Variants in MLLT1 observed in about 807,000 individuals in gnomAD.
The protein encoded by MLLT1 is MLLT1 super elongation complex subunit, also known as protein ENL.
A neutral mutation model predicts 55.1 loss-of-function variants in MLLT1; 11 were observed. That is an observed-to-expected ratio of 0.20 (90% CI 0.13 to 0.33). The LOEUF (loss-of-function observed/expected upper bound fraction) is 0.33, where lower values mean the gene tolerates loss of function less well. Ranked by LOEUF, MLLT1 falls within the 10% of genes least tolerant of loss-of-function variation. MLLT1 has a pLI of 1.00. For synonymous variants in MLLT1, 323 were observed against 320.1 expected (o/e 1.01, Z -0.10); for missense variants, 536 against 760.6 (o/e 0.70, Z 3.47).
At chr19:6,249,270 CTTT>C (rs906743232) in intron 3 of MLLT1, among the ~76,000 whole-genome samples, 2 of 152,000 alleles carry the variant, frequency 1.3e-5, no homozygotes, top group Non-Finnish European at 2.9e-5. Flanking sequence ...TTCTTTTGAA[CTTT>C]TTTAACGCGG....
chr19:6,216,618 C>T (rs1409956511), intron 7 of MLLT1, 105 bp from the exon 8 acceptor site: 1 of 755,314 alleles, frequency 1.3e-6, no homozygotes, highest in Non-Finnish European at 2.1e-6. Context: ...ACACTGGTGA[C>T]CCCCAAATGC....
rs2090917492 is a variant in MLLT1 at position 6,222,951 on chromosome 19, G to A, written c.547-267C>T. On this transcript the variant is annotated intron_variant, in intron 5 of 11. Coordinates refer to ENST00000252674, the MANE Select transcript of MLLT1 (RefSeq NM_005934.4). The surrounding 1 kb of genome is among the most constrained non-coding windows in gnomAD (Gnocchi z 4.1). ...CAGAATTGAACTGACATTCCCTGAG[G>A]GATTCAAGAAGAGCACAGGGTGAGT... Among the ~76,000 whole-genome samples the A allele has an allele frequency of 1.3e-5, 2 of 152,192 alleles. No individual in the cohort carries two copies. Among genetic ancestry groups the A allele is most frequent in the Non-Finnish European group, 2.9e-5 (2 of 68,030 alleles).
intron 3 of MLLT1, among the ~76,000 whole-genome samples, chr19:6,261,868 T>G (rs1370289741): frequency 6.6e-6 from 1 of 152,192 alleles, no homozygotes; most frequent in African/African-American, 2.4e-5. Flanking sequence ...TGCTATTTCC[T>G]GATCTCAGTC....
rs1043313269 is a variant in MLLT1 at position 6,218,115 on chromosome 19, C to A, written c.1111-74G>T. On this transcript the variant is annotated intron_variant, in intron 6 of 11. Transcript: ENST00000252674. Reference sequence around the variant, plus strand: ...CACCTTTCAGCAGAGACAAAGGGGGCCCCCTGGCAGCAGCTACGCTGAGTG... The same window carrying A: ...CACCTTTCAGCAGAGACAAAGGGGGACCCCTGGCAGCAGCTACGCTGAGTG... 3.3e-6 allele frequency: 5 copies of A among 1,519,554 alleles called. No homozygotes were observed. The African/African-American group carries it at 4.2e-5, about 13-fold the overall frequency. The allele number at this position is 1,519,554 out of a possible 1,614,324, so 94.1% of individuals were successfully genotyped here. A position where few individuals can be genotyped will look rare whatever the true frequency, so the allele number is the denominator to read the frequency against.
chr19:6,267,350 C>T lies in MLLT1; in HGVS notation c.193+3229G>A, dbSNP rs113410119. ...AATTCTTGACCTCAGGTGATCCACCCGTCTCGGCCTCCCAAAGTGCTGGCA... is the reference window on the plus strand; with the variant it reads ...AATTCTTGACCTCAGGTGATCCACCTGTCTCGGCCTCCCAAAGTGCTGGCA... On this transcript the variant is annotated intron_variant, in intron 2 of 11. Coordinates refer to ENST00000252674, the MANE Select transcript of MLLT1 (RefSeq NM_005934.4). 2.6e-3 allele frequency among the ~76,000 whole-genome samples: 395 copies of T among 151,552 alleles called. 1 individual carries two copies. Among genetic ancestry groups the T allele is most frequent in the African/African-American group, 9.1e-3 (376 of 41,222 alleles).
At chr19:6,269,673 C>T (rs2091379287) in intron 2 of MLLT1, among the ~76,000 whole-genome samples, 1 of 152,180 alleles carries the variant, frequency 6.6e-6, no homozygotes, top group Admixed American at 6.5e-5. Flanking sequence ...CCTAAGCACA[C>T]CCACGCTTGT....
chr19:6,259,186 C>A (rs2091282786), intron 3 of MLLT1: 1 of 152,354 alleles, frequency 6.6e-6, no homozygotes, highest in South Asian at 2.1e-4. Flanking sequence ...CACCCCGTCA[C>A]CAACCTCTGT....
intron 3 of MLLT1, among the ~76,000 whole-genome samples, chr19:6,239,946 A>C (rs987946409): frequency 1.7e-4 from 26 of 151,476 alleles, no homozygotes; most frequent in Non-Finnish European, 3.7e-4. Flanking sequence ...TTTTTTTTTA[A>C]GGCTTAGGTA....
intron 5 of MLLT1, among the ~76,000 whole-genome samples, chr19:6,225,429 G>T (rs922434535): frequency 1.3e-5 from 2 of 152,232 alleles, no homozygotes; most frequent in Non-Finnish European, 2.9e-5. Context: ...AAAGGAGGTC[G>T]CTCAGCTGGG....
intron 8 of MLLT1, 101 bp from the exon 9 acceptor site, chr19:6,214,139 G>T: frequency 1.7e-6 from 1 of 601,000 alleles, no homozygotes; most frequent in Non-Finnish European, 2.6e-6. Flanking sequence ...CGGTGCCTGA[G>T]CCCACACACC....
intron 3 of MLLT1, among the ~76,000 whole-genome samples, chr19:6,239,018 G>A (rs2091089850): frequency 6.6e-6 from 1 of 152,246 alleles, no homozygotes; most frequent in Non-Finnish European, 1.5e-5. Flanking sequence ...GCTGCTAGGA[G>A]AGGAAGCTCA....
chr19:6,232,568 G>A (rs1425312622), intron 3 of MLLT1, among the ~76,000 whole-genome samples: 1 of 152,208 alleles, frequency 6.6e-6, no homozygotes, highest in Non-Finnish European at 1.5e-5. Flanking sequence ...AGGCAACTAA[G>A]GAAAATTAGA....
At chr19:6,216,002 G>A (rs538300465) in intron 8 of MLLT1, among the ~76,000 whole-genome samples, 20 of 152,116 alleles carry the variant, frequency 1.3e-4, no homozygotes, top group Non-Finnish European at 2.2e-4. Context: ...ATGGATCCTC[G>A]CCCCATGTAA....
chr19:6,242,439 TG>T (rs1221287848), intron 3 of MLLT1, among the ~76,000 whole-genome samples: 1 of 152,194 alleles, frequency 6.6e-6, no homozygotes, highest in Non-Finnish European at 1.5e-5. Flanking sequence ...CATCTGCGTG[TG>T]GGAGGCCACG....
intron 5 of MLLT1, among the ~76,000 whole-genome samples, chr19:6,223,766 C>T (rs1008560829): frequency 1.3e-5 from 2 of 152,156 alleles, no homozygotes; most frequent in South Asian, 2.1e-4. Flanking sequence ...GTGGGAGCCA[C>T]GCCTTCACCT....
chr19:6,263,542 CG>C (rs2091322500), intron 2 of MLLT1: 1 of 152,376 alleles, frequency 6.6e-6, no homozygotes, highest in Non-Finnish European at 1.5e-5. Flanking sequence ...TGTCCTGTGA[CG>C]GGTACTCCAA....
intron 2 of MLLT1, among the ~76,000 whole-genome samples, chr19:6,268,545 A>G (rs893949202): frequency 1.3e-5 from 2 of 152,224 alleles, no homozygotes; most frequent in South Asian, 2.1e-4. Context: ...CTGGGGCGGA[A>G]GTAAAAGATA....
rs567175591 is a variant in MLLT1, at chr19:6,240,043, G to T, written c.277-9330C>A. ...GCGGCTCAGCACTGGCTCACTGTGT[G>T]ACCCTGGACGGGCTGCTGCACCTCT... is the stretch of plus-strand genomic sequence containing the variant. On this transcript the variant is annotated intron_variant, in intron 3 of 11. Coordinates refer to ENST00000252674, the MANE Select transcript of MLLT1 (RefSeq NM_005934.4). The surrounding 1 kb of genome is among the most constrained non-coding windows in gnomAD (Gnocchi z 4.7). 6.0e-4 allele frequency among the ~76,000 whole-genome samples: 92 copies of T among 152,102 alleles called. No individual in the cohort carries two copies. The highest frequency in any genetic ancestry group is 1.0e-3 in the Non-Finnish European group (71 of 68,016).
At chr19:6,266,418 G>A (rs1420527190) in intron 2 of MLLT1, among the ~76,000 whole-genome samples, 1 of 151,994 alleles carries the variant, frequency 6.6e-6, no homozygotes, top group Non-Finnish European at 1.5e-5. Flanking sequence ...AACATGCTAG[G>A]ACTCAAAGGG....
Sources: allele counts gnomAD v4.1 joint callset (sites outside exome capture counted in the v4.1 genomes callset), GRCh38; gene constraint gnomAD v4.1.1; non-coding constraint Gnocchi (gnomAD v3.1); transcripts MANE v1.5; gene names NCBI Gene and HGNC (gene_info 2026-07-23, HGNC 2026-07-21).